The following CPEB3 variants were observed in gnomAD, a reference collection of about 807,000 sequenced individuals.
The protein encoded by CPEB3 is cytoplasmic polyadenylation element-binding protein 3.
Under a neutral mutation model 67.2 loss-of-function variants are expected in CPEB3, and 20 were observed. That is an observed-to-expected ratio of 0.30 (90% CI 0.21 to 0.43). The LOEUF (loss-of-function observed/expected upper bound fraction) is 0.43. CPEB3 is among the 20% of genes least tolerant of loss of function. CPEB3 has a pLI of 1.00. For missense variants in CPEB3, 746 were observed against 968.6 expected, an observed-to-expected ratio of 0.77 and a Z score of 3.05; for synonymous variants, 376 against 393.1, an observed-to-expected ratio of 0.96 and a Z score of 0.51.
chr10:92,199,877 TA>T (rs1231390950), intron 2 of CPEB3, among the ~76,000 whole-genome samples: 2 of 136,474 alleles, frequency 1.5e-5, no homozygotes, highest in Non-Finnish European at 3.1e-5. Context: ...TATACGAACC[TA>T]TTTTTCTCCA....
At chr10:92,071,332 G>A (rs966774320) in intron 9 of CPEB3, among the ~76,000 whole-genome samples, 1 of 152,176 alleles carries the variant, frequency 6.6e-6, no homozygotes, top group Non-Finnish European at 1.5e-5. Context: ...GTGTTGGGGG[G>A]CAGCAGGAGT....
At chr10:92,278,616 T>C (rs191027905) in intron 1 of CPEB3, among the ~76,000 whole-genome samples, 4 of 151,410 alleles carry the variant, frequency 2.6e-5, no homozygotes, top group Non-Finnish European at 5.9e-5. Context: ...TTTTTTTTTT[T>C]TTTGAGACAG....
intron 1 of CPEB3, among the ~76,000 whole-genome samples, chr10:92,283,045 A>G (rs2135092671): frequency 6.6e-6 from 1 of 152,240 alleles, no homozygotes; most frequent in Middle Eastern, 3.4e-3. Context: ...CAGCTGAGGA[A>G]TTTGAGGACA....
At chr10:92,052,520 A>T in intron 9 of CPEB3, 81 bp from the exon 10 acceptor site, 1 of 1,185,542 alleles carries the variant, frequency 8.4e-7, no homozygotes. Flanking sequence ...TTTACACTAT[A>T]GCTTCAACGT....
chr10:92,090,164 G>C (rs1307512200), intron 8 of CPEB3, among the ~76,000 whole-genome samples: 1 of 152,122 alleles, frequency 6.6e-6, no homozygotes, highest in Non-Finnish European at 1.5e-5. Context: ...AGCCAATTCT[G>C]TTATTTTTAT....
chr10:92,137,309 A>G (rs962242205), intron 6 of CPEB3: 2 of 704,700 alleles, frequency 2.8e-6, no homozygotes, highest in Non-Finnish European at 4.8e-6. Context: ...GAAGTTCCCC[A>G]TATCATCGTG....
intron 9 of CPEB3, among the ~76,000 whole-genome samples, chr10:92,065,496 C>A (rs1475568739): frequency 6.6e-6 from 1 of 152,164 alleles, no homozygotes; most frequent in Admixed American, 6.5e-5. Flanking sequence ...GCTAGGATTA[C>A]AGGCATGAGC....
intron 1 of CPEB3, among the ~76,000 whole-genome samples, chr10:92,276,539 A>T (rs1054771089): frequency 6.6e-6 from 1 of 152,006 alleles, no homozygotes; most frequent in South Asian, 2.1e-4. Context: ...TTGGCCTCCC[A>T]AAGTGCTGGA....
chr10:92,144,583 T>C (rs967217970), intron 5 of CPEB3, among the ~76,000 whole-genome samples: 8 of 152,156 alleles, frequency 5.3e-5, no homozygotes, highest in African/African-American at 1.7e-4. Flanking sequence ...TATTAAAATG[T>C]GAGATGGTTT....
chr10:92,228,074 G>C (rs1035478854), intron 2 of CPEB3, among the ~76,000 whole-genome samples: 4 of 151,854 alleles, frequency 2.6e-5, no homozygotes, highest in African/African-American at 9.7e-5. Context: ...TTTTAGTAGA[G>C]ACAGGCTCTC....
intron 6 of CPEB3, among the ~76,000 whole-genome samples, chr10:92,134,682 A>C (rs1446657745): frequency 2.6e-5 from 4 of 151,854 alleles, no homozygotes; most frequent in African/African-American, 9.7e-5. Flanking sequence ...TCATATGGAA[A>C]CAAAAAAGAG....
intron 9 of CPEB3, among the ~76,000 whole-genome samples, chr10:92,078,382 C>T (rs972335633): frequency 1.3e-5 from 2 of 152,102 alleles, no homozygotes; most frequent in African/African-American, 4.8e-5. Context: ...GGTTAAATAC[C>T]TTTCGACCTG....
intron 4 of CPEB3, among the ~76,000 whole-genome samples, chr10:92,164,523 T>C (rs1363975792): frequency 6.6e-6 from 1 of 152,204 alleles, no homozygotes; most frequent in Non-Finnish European, 1.5e-5. Flanking sequence ...TAGTTTTGTT[T>C]GCCTTTTCTA....
intron 8 of CPEB3, among the ~76,000 whole-genome samples, chr10:92,089,087 CA>C (rs1195998158): frequency 6.6e-6 from 1 of 152,140 alleles, no homozygotes; most frequent in African/African-American, 2.4e-5. Flanking sequence ...AGTAGATGCT[CA>C]ATAAATGTTT....
chr10:92,178,503 T>C (rs919801976), intron 4 of CPEB3, among the ~76,000 whole-genome samples: 4 of 151,964 alleles, frequency 2.6e-5, no homozygotes, highest in African/African-American at 7.3e-5. Flanking sequence ...GGAAGAAGGA[T>C]AGACCAGTCA....
In CPEB3 at chr10:92,052,263, C is replaced by A. The variant is rs1254416688; in HGVS notation, c.2046G>T (p.Leu682=). 2 of 1,614,122 alleles carry A rather than the reference C, an allele frequency of 1.2e-6. No individual in the cohort carries two copies. Among genetic ancestry groups the A allele is most frequent in the Non-Finnish European group, 8.5e-7 (1 of 1,180,006 alleles). Residue 682 remains leucine (L), a synonymous_variant, in exon 10 of 10, where the codon CTG becomes CTT. Transcript: ENST00000265997. Reference sequence around the variant, plus strand: ...GAGGGCGGTCGCCTCCCTCCTTCACCAGCGGTTTGTGGAACTCCCGCCCGG... The same window carrying A: ...GAGGGCGGTCGCCTCCCTCCTTCACAAGCGGTTTGTGGAACTCCCGCCCGG... ...SRAGREFHKP[L]VKEGGDRPRH...
chr10:92,054,083 T>C (rs1697440048), intron 9 of CPEB3, among the ~76,000 whole-genome samples: 1 of 152,226 alleles, frequency 6.6e-6, no homozygotes, highest in Non-Finnish European at 1.5e-5. Context: ...GTATATCTTC[T>C]TTGGAGATAT....
intron 2 of CPEB3, among the ~76,000 whole-genome samples, chr10:92,202,530 A>T (rs1366272244): frequency 2.7e-5 from 4 of 150,772 alleles, no homozygotes; most frequent in African/African-American, 9.8e-5. Context: ...ATAAAATTAA[A>T]AATATAAAAA....
intron 2 of CPEB3, among the ~76,000 whole-genome samples, chr10:92,217,623 G>A (rs988003512): frequency 3.3e-5 from 5 of 151,922 alleles, no homozygotes; most frequent in African/African-American, 7.3e-5. Flanking sequence ...TTAGCTGGGC[G>A]TGGTGGCACA....
Sources: allele counts gnomAD v4.1 joint callset (sites outside exome capture counted in the v4.1 genomes callset), GRCh38; gene constraint gnomAD v4.1.1; transcripts MANE v1.5; gene names NCBI Gene and HGNC (gene_info 2026-07-23, HGNC 2026-07-21).